The following DOCK3 variants were observed in gnomAD, a reference collection of about 807,000 sequenced individuals.
DOCK3 encodes the protein dedicator of cytokinesis protein 3.
DOCK3 carries 60 observed loss-of-function variants against 265.6 expected under a neutral mutation model. The ratio of observed to expected loss-of-function variants is 0.23; its 90% CI spans 0.18 to 0.28. The LOEUF (loss-of-function observed/expected upper bound fraction) is 0.28. Ranked by LOEUF, DOCK3 falls within the 10% of genes least tolerant of loss-of-function variation. The pLI is 1.00. For missense variants in DOCK3, 1,981 were observed against 2,594.3 expected, an observed-to-expected ratio of 0.76 and a Z score of 5.14; for synonymous variants, 881 against 938.0, an observed-to-expected ratio of 0.94 and a Z score of 1.11.
intron 5 of DOCK3, among the ~76,000 whole-genome samples, chr3:50,998,051 T>C (rs916721992): frequency 6.6e-6 from 1 of 152,204 alleles, no homozygotes; most frequent in African/African-American, 2.4e-5. Context: ...AATATACTTT[T>C]TGAATGTTTT....
intron 5 of DOCK3, among the ~76,000 whole-genome samples, chr3:51,037,288 A>T (rs190508180): frequency 6.6e-6 from 1 of 152,218 alleles, no homozygotes; most frequent in African/African-American, 2.4e-5. Flanking sequence ...AATGACCATT[A>T]TCTTTATTTA....
intron 3 of DOCK3, among the ~76,000 whole-genome samples, chr3:50,852,810 A>G (rs2046404089): frequency 6.6e-6 from 1 of 152,088 alleles, no homozygotes; most frequent in Admixed American, 6.5e-5. Flanking sequence ...TTTATTTTTA[A>G]AAGATATTTT....
chr3:50,926,757 AG>A (rs2050780593), intron 4 of DOCK3, among the ~76,000 whole-genome samples: 1 of 152,190 alleles, frequency 6.6e-6, no homozygotes, highest in Non-Finnish European at 1.5e-5. Context: ...GAGAAGAAGA[AG>A]GAGAAACTCA....
At chr3:51,112,958 T>C (rs1170103163) in intron 9 of DOCK3, among the ~76,000 whole-genome samples, 3 of 152,216 alleles carry the variant, frequency 2.0e-5, no homozygotes, top group Non-Finnish European at 2.9e-5. Flanking sequence ...ATAAGTAATT[T>C]GTTACTAATA....
chr3:50,948,832 C>T (rs1049668163), intron 5 of DOCK3, among the ~76,000 whole-genome samples: 6 of 152,064 alleles, frequency 3.9e-5, no homozygotes, highest in African/African-American at 1.2e-4. Flanking sequence ...AGAAAAAACT[C>T]AGAAGAACAA....
chr3:51,100,816 A>G (rs2083052407), intron 9 of DOCK3, among the ~76,000 whole-genome samples: 1 of 149,140 alleles, frequency 6.7e-6, no homozygotes, highest in African/African-American at 2.5e-5. Flanking sequence ...TTTTTTTGAG[A>G]TAGGATCTTG....
rs771650789 is a variant in DOCK3 at position 50,778,774 on chromosome 3, C to T, written c.121+16C>T. The T allele has an allele frequency of 8.5e-6, 13 of 1,528,308 alleles. No individual in the cohort carries two copies. The South Asian group carries it at 1.5e-4, about 17-fold the overall frequency. 94.7% of individuals were successfully genotyped at this position (1,528,308 alleles called of 1,614,324 possible). On this transcript the variant is annotated intron_variant, in intron 2 of 52. Coordinates refer to ENST00000266037, the MANE Select transcript of DOCK3 (RefSeq NM_004947.5). ...AAATGTGAAGGTGAGTATGGACCTA[C>T]AAAGCACATAAATTGTGATCATTTT...
intron 3 of DOCK3, among the ~76,000 whole-genome samples, chr3:50,856,038 A>G (rs1239998264): frequency 4.6e-5 from 7 of 152,238 alleles, no homozygotes; most frequent in Non-Finnish European, 1.0e-4. Flanking sequence ...ATGGCTGCAT[A>G]GTATTCCATG....
intron 1 of DOCK3, among the ~76,000 whole-genome samples, chr3:50,732,668 C>CCT (rs2038298778): frequency 6.6e-6 from 1 of 152,168 alleles, no homozygotes; most frequent in South Asian, 2.1e-4. Context: ...ACCTCCGCCT[C>CCT]CCAAAGTGTT....
In DOCK3 at chr3:51,138,659, G is replaced by A. The variant is rs137936231; in HGVS notation, c.747-7890G>A. 3.3e-3 allele frequency among the ~76,000 whole-genome samples: 501 copies of A among 152,244 alleles called. 5 individuals carry two copies. Among genetic ancestry groups the A allele is most frequent in the African/African-American group, 0.012 (484 of 41,544 alleles). On this transcript the variant is annotated intron_variant, in intron 9 of 52. Coordinates refer to ENST00000266037, the MANE Select transcript of DOCK3 (RefSeq NM_004947.5). Reference sequence around the variant, plus strand: ...TCCCTCCAAATAGTACCCTGCTATGGGCAGCTCCAAAAAGCAGCCTGTTGG... The same window carrying A: ...TCCCTCCAAATAGTACCCTGCTATGAGCAGCTCCAAAAAGCAGCCTGTTGG...
chr3:51,223,936 T>C (rs1348304939), intron 14 of DOCK3, among the ~76,000 whole-genome samples: 1 of 152,100 alleles, frequency 6.6e-6, no homozygotes, highest in Non-Finnish European at 1.5e-5. Context: ...CTAAATAATG[T>C]ACCAGGAGGG....
intron 4 of DOCK3, among the ~76,000 whole-genome samples, chr3:50,901,325 C>A (rs1052174627): frequency 1.1e-4 from 16 of 152,156 alleles, no homozygotes; most frequent in Non-Finnish European, 5.9e-5. Flanking sequence ...CCCCTCCCCC[C>A]ACCAAGCTCG....
intron 3 of DOCK3, chr3:50,877,632 G>T: frequency 2.3e-6 from 1 of 435,112 alleles, no homozygotes; most frequent in Non-Finnish European, 4.5e-6. Context: ...CATTATCTAG[G>T]GCTTCAATGG....
In DOCK3 at chr3:51,338,346, C is replaced by T; in HGVS notation, c.3612-13C>T. 1.3e-6 allele frequency: 2 copies of T among 1,551,616 alleles called. No homozygotes were observed. Among genetic ancestry groups the T allele is most frequent in the Non-Finnish European group, 1.7e-6 (2 of 1,146,930 alleles). On this transcript the variant is annotated splice_polypyrimidine_tract_variant and intron_variant, in intron 35 of 52. Coordinates refer to ENST00000266037, the MANE Select transcript of DOCK3 (RefSeq NM_004947.5). ...ACTTCATATCTGGTGCTCATCTGTG[C>T]TCTCTCTTCCAGGGACTGCATGAAA...
chr3:51,011,458 A>G (rs540504780), intron 5 of DOCK3, among the ~76,000 whole-genome samples: 1 of 152,262 alleles, frequency 6.6e-6, no homozygotes, highest in South Asian at 2.1e-4. Flanking sequence ...TTTTCCTGCC[A>G]TGGTTTTCAG....
At chr3:51,005,499 G>A (rs893588945) in intron 5 of DOCK3, among the ~76,000 whole-genome samples, 5 of 152,022 alleles carry the variant, frequency 3.3e-5, no homozygotes, top group Non-Finnish European at 4.4e-5. Context: ...CTTTATCTCT[G>A]TTTTGATGTC....
chr3:51,327,389 T>G (rs559739447), intron 32 of DOCK3, among the ~76,000 whole-genome samples: 3 of 152,318 alleles, frequency 2.0e-5, no homozygotes, highest in African/African-American at 7.2e-5. Context: ...ATCAGAACTA[T>G]GCAGCTCATT....
chr3:51,263,776 A>G (rs547283577), intron 23 of DOCK3, among the ~76,000 whole-genome samples: 1 of 152,232 alleles, frequency 6.6e-6, no homozygotes, highest in Non-Finnish European at 1.5e-5. Context: ...CAATCCTAGT[A>G]TCTGATAAAA....
At chr3:50,804,507 C>CTGGCGGATCACTCACGTTTAGGGGCTGGT (rs2043286572) in intron 2 of DOCK3, among the ~76,000 whole-genome samples, 1 of 152,188 alleles carries the variant, frequency 6.6e-6, no homozygotes, top group Non-Finnish European at 1.5e-5. Flanking sequence ...GAGGCTGAGG[C>CTGGCGGATCACTCACGTTTAGGGGCTGGT]TGGCGGATCA....
Sources: allele counts gnomAD v4.1 joint callset (sites outside exome capture counted in the v4.1 genomes callset), GRCh38; gene constraint gnomAD v4.1.1; transcripts MANE v1.5; gene names NCBI Gene and HGNC (gene_info 2026-07-23, HGNC 2026-07-21).